The following PDGFB variants were observed in gnomAD, a reference collection of about 807,000 sequenced individuals.
The protein encoded by PDGFB is platelet-derived growth factor subunit B.
A neutral mutation model predicts 29.0 loss-of-function variants in PDGFB; 6 were observed. That is an observed-to-expected ratio of 0.21 (90% confidence interval 0.11 to 0.41). PDGFB has a LOEUF of 0.41. PDGFB is among the 10% of genes least tolerant of loss of function. PDGFB has a pLI of 1.00. For synonymous variants in PDGFB, 144 were observed against 140.8 expected (o/e 1.02, Z -0.16); for missense variants, 299 against 341.8 (o/e 0.87, Z 0.99).
rs556216376 is a variant in PDGFB, at chr22:39,233,584, G to A, written c.161-60C>T. 84 of 1,239,484 alleles carry A rather than the reference G, an allele frequency of 6.8e-5. 1 individual carries two copies. The Middle Eastern group carries it at 7.9e-4, about 12-fold the overall frequency. The allele number at this position is 1,239,484 out of a possible 1,614,324, so 76.8% of individuals were successfully genotyped here. A position where few individuals can be genotyped will look rare whatever the true frequency, so the allele number is the denominator to read the frequency against. On this transcript the variant is annotated intron_variant, in intron 2 of 6. Transcript: ENST00000331163. Reference sequence around the variant, plus strand: ...CCCACCTTGGGCAGGGGCTCCCTCCGCCGGGGTGTCTGGGCAGGCGGGAGG... The same window carrying A: ...CCCACCTTGGGCAGGGGCTCCCTCCACCGGGGTGTCTGGGCAGGCGGGAGG...
rs542164834 is a variant in PDGFB at position 39,233,087 on chromosome 22, C to T, written c.250+348G>A. ...GAGCAGGTTGGGATCTCAGCCCTAC[C>T]GCTCCCTAGCAGTGTGACCTCGCCT... On this transcript the variant is annotated intron_variant, in intron 3 of 6. Coordinates refer to ENST00000331163, the MANE Select transcript of PDGFB (RefSeq NM_002608.4). 2.0e-4 allele frequency among the ~76,000 whole-genome samples: 30 copies of T among 152,158 alleles called. 1 individual carries two copies. The highest frequency in any genetic ancestry group is 3.9e-4 in the Admixed American group (6 of 15,282).
intron 5 of PDGFB, among the ~76,000 whole-genome samples, chr22:39,227,166 C>T (rs903852634): frequency 1.3e-5 from 2 of 151,956 alleles, no homozygotes; most frequent in African/African-American, 4.8e-5. Context: ...ACCATGTTGG[C>T]CAGGCTGGTC....
chr22:39,229,147 C>G (rs996376894), intron 5 of PDGFB, among the ~76,000 whole-genome samples: 1 of 152,132 alleles, frequency 6.6e-6, no homozygotes, highest in African/African-American at 2.4e-5. Context: ...TGAAAAAGAA[C>G]TATCACTTAC....
At chr22:39,240,773 T>C (rs1932547783) in intron 1 of PDGFB, 4 of 1,505,024 alleles carry the variant, frequency 2.7e-6, no homozygotes, top group Non-Finnish European at 3.7e-6. Flanking sequence ...AACAATGAAA[T>C]AAACCAGAAC....
chr22:39,231,910 C>A lies in PDGFB; in HGVS notation c.251-83G>T. On this transcript the variant is annotated intron_variant, in intron 3 of 6. Coordinates refer to ENST00000331163, the MANE Select transcript of PDGFB (RefSeq NM_002608.4). The surrounding 1 kb of genome is among the most constrained non-coding windows in gnomAD (Gnocchi z 4.3). ...GGCAGGGGAGCTCAGCGGGTGCCTC[C>A]GGGACTGCTCTTTCTCACGCCCTTC... 8.6e-7 allele frequency: 1 copy of A among 1,158,374 alleles called. No homozygotes were observed. 71.8% of individuals were successfully genotyped at this position (1,158,374 alleles called of 1,614,324 possible). A position where few individuals can be genotyped will look rare whatever the true frequency, so the allele number is the denominator to read the frequency against.
chr22:39,233,183 T>C (rs930924653), intron 3 of PDGFB, among the ~76,000 whole-genome samples: 3 of 152,180 alleles, frequency 2.0e-5, no homozygotes, highest in African/African-American at 2.4e-5. Flanking sequence ...ACCTCCAGGA[T>C]TGAAATAAGG....
rs1932652444 is a variant in PDGFB, at chr22:39,244,717, C to T, written c.-754G>A. Reference sequence around the variant, plus strand: ...CCCGCCCGCTCGCCGCTCTGGGCGTCCTCTGCGGGCTGCGGGCTGCGAGCT... The same window carrying T: ...CCCGCCCGCTCGCCGCTCTGGGCGTTCTCTGCGGGCTGCGGGCTGCGAGCT... On this transcript the variant is annotated 5_prime_UTR_variant, in exon 1 of 7. Transcript: ENST00000331163. The surrounding 1 kb of genome is among the most constrained non-coding windows in gnomAD (Gnocchi z 4.5). The T allele has an allele frequency of 5.5e-6, 1 of 181,604 alleles. No individual in the cohort carries two copies. Among genetic ancestry groups the T allele is most frequent in the Non-Finnish European group, 1.1e-5 (1 of 87,706 alleles). 11.2% of individuals were successfully genotyped at this position (181,604 alleles called of 1,614,324 possible).
At chr22:39,240,937 ACACACTCT>A in intron 1 of PDGFB, 14 of 1,351,536 alleles carry the variant, frequency 1.0e-5, no homozygotes, top group Admixed American at 1.9e-5. Flanking sequence ...ACACACACAC[ACACACTCT>A]CTCTCTCTCT....
chr22:39,236,263 C>A (rs546959537), intron 1 of PDGFB, among the ~76,000 whole-genome samples: 1 of 152,370 alleles, frequency 6.6e-6, no homozygotes, highest in East Asian at 1.9e-4. Flanking sequence ...CCAATCTAAC[C>A]CCCATTTTAC....
rs1932649157 is a variant in PDGFB at position 39,244,605 on chromosome 22, G to A, written c.-642C>T. ...GCGCGGGGCCCGGGCGGCGGGCACG[G>A]CTGCTCCGCGCGCGCGGCGTGCCCG... is the stretch of plus-strand genomic sequence containing the variant. On this transcript the variant is annotated 5_prime_UTR_variant, in exon 1 of 7. Coordinates refer to ENST00000331163, the MANE Select transcript of PDGFB (RefSeq NM_002608.4). The surrounding 1 kb of genome is among the most constrained non-coding windows in gnomAD (Gnocchi z 4.5). The A allele has an allele frequency of 6.6e-6, 1 of 151,206 alleles. No homozygotes were observed. The highest frequency in any genetic ancestry group is 1.5e-5 in the Non-Finnish European group (1 of 68,534). 9.4% of individuals were successfully genotyped at this position (151,206 alleles called of 1,614,324 possible).
Position 39,243,850 on chromosome 22 carries a change from G to T in PDGFB, c.63+51C>A. 1.4e-6 allele frequency: 2 copies of T among 1,478,990 alleles called. No homozygotes were observed. Among genetic ancestry groups the T allele is most frequent in the Non-Finnish European group, 1.9e-6 (2 of 1,073,986 alleles). The allele number at this position is 1,478,990 out of a possible 1,614,324, so 91.6% of individuals were successfully genotyped here. On this transcript the variant is annotated intron_variant, in intron 1 of 6. Coordinates refer to ENST00000331163, the MANE Select transcript of PDGFB (RefSeq NM_002608.4). The surrounding 1 kb of genome is among the most constrained non-coding windows in gnomAD (Gnocchi z 6.4). Reference sequence around the variant, plus strand: ...GAGAGGAGGGGGCGGTCAGAAGGGGGGGGCGAAGGTAATGAATGAAGAACC... The same window carrying T: ...GAGAGGAGGGGGCGGTCAGAAGGGGTGGGCGAAGGTAATGAATGAAGAACC...
rs1932581707 is a variant in PDGFB at position 39,242,149 on chromosome 22, T to G, written c.63+1752A>C. Reference sequence around the variant, plus strand: ...CGTGCAGGGGCCGTGCGTGCGTTTGTGTGCGGTGCGCGCGCGTGTGTCCCG... The same window carrying G: ...CGTGCAGGGGCCGTGCGTGCGTTTGGGTGCGGTGCGCGCGCGTGTGTCCCG... On this transcript the variant is annotated intron_variant, in intron 1 of 6. Coordinates refer to ENST00000331163, the MANE Select transcript of PDGFB (RefSeq NM_002608.4). This position sits in a 1 kb window ranked among gnomAD's most constrained non-coding sequence, Gnocchi z 5.7. The G allele has an allele frequency of 4.5e-6, 1 of 221,092 alleles. No individual in the cohort carries two copies. Among genetic ancestry groups the G allele is most frequent in the South Asian group, 1.8e-4 (1 of 5,424 alleles). The allele number at this position is 221,092 out of a possible 1,614,324, so 13.7% of individuals were successfully genotyped here. A position where few individuals can be genotyped will look rare whatever the true frequency, so the allele number is the denominator to read the frequency against.
At position 39,233,507 on chromosome 22, in the gene PDGFB, A is replaced by G. The variant is rs1161853064; in HGVS notation, c.178T>C (p.Leu60=). Residue 60 remains leucine (L), a synonymous_variant, in exon 3 of 7, where the codon TTG becomes CTG. Coordinates refer to ENST00000331163, the MANE Select transcript of PDGFB (RefSeq NM_002608.4). The stretch of plus-strand genomic sequence containing the variant: ...TGGGAGCGGGTCATGTTCAGGTCCA[A>G]CTCGGCCCCATCTTCCTCTGCAGGA... ...GDPGEEDGAE[L]DLNMTRSHSG... 6.9e-6 allele frequency: 11 copies of G among 1,589,582 alleles called. No homozygotes were observed. The highest frequency in any genetic ancestry group is 9.4e-6 in the Non-Finnish European group (11 of 1,169,828).
At chr22:39,235,332 G>A (rs951755223) in intron 2 of PDGFB, among the ~76,000 whole-genome samples, 33 of 152,210 alleles carry the variant, frequency 2.2e-4, no homozygotes, top group Non-Finnish European at 4.0e-4. Context: ...GTGCCCATTC[G>A]CTGAGTGAGC....
chr22:39,235,011 G>A lies in PDGFB; in HGVS notation c.160+767C>T, dbSNP rs948237868. Reference sequence around the variant, plus strand: ...GGGGCCCCCTCCTGCCTGCCTCACCGCCCCCCAGCACAGGCGGGATTGAAA... The same window carrying A: ...GGGGCCCCCTCCTGCCTGCCTCACCACCCCCCAGCACAGGCGGGATTGAAA... On this transcript the variant is annotated intron_variant, in intron 2 of 6. Transcript: ENST00000331163. Among the ~76,000 whole-genome samples, 13 of 152,116 alleles carry A rather than the reference G, an allele frequency of 8.5e-5. 1 individual carries two copies. The highest frequency in any genetic ancestry group is 2.6e-4 in the Admixed American group (4 of 15,284).
At chr22:39,232,508 T>G (rs1932333986) in intron 3 of PDGFB, among the ~76,000 whole-genome samples, 1 of 151,906 alleles carries the variant, frequency 6.6e-6, no homozygotes, top group South Asian at 2.1e-4. Flanking sequence ...TCTTTTTTTT[T>G]GAGACGGAGT....
At position 39,233,484 on chromosome 22, in the gene PDGFB, G is replaced by C; in HGVS notation, c.201C>G (p.Ser67=). Residue 67 remains serine (S), a synonymous_variant, in exon 3 of 7, where the codon TCC becomes TCG. Transcript: ENST00000331163. The part of the protein sequence containing the change: ...GAELDLNMTR[S]HSGGELESLA... ...AGCTCTCCAGCTCGCCTCCAGAGTGGGAGCGGGTCATGTTCAGGTCCAACT... is the reference window on the plus strand; with the variant it reads ...AGCTCTCCAGCTCGCCTCCAGAGTGCGAGCGGGTCATGTTCAGGTCCAACT... 6.3e-7 allele frequency: 1 copy of C among 1,594,968 alleles called. No homozygotes were observed. The highest frequency in any genetic ancestry group is 1.4e-5 in the African/African-American group (1 of 73,508).
rs917408544 is a variant in PDGFB at position 39,231,359 on chromosome 22, C to T, written c.456+263G>A. Among the ~76,000 whole-genome samples, 7 of 152,232 alleles carry T rather than the reference C, an allele frequency of 4.6e-5. No homozygotes were observed. The highest frequency in any genetic ancestry group is 1.0e-4 in the Non-Finnish European group (7 of 68,038). ...CCTACTTCACGTTGGCTCCACACCT[C>T]GCCCAGCCCGGGGGGTCTGTCTGTG... is the stretch of plus-strand genomic sequence containing the variant. On this transcript the variant is annotated intron_variant, in intron 4 of 6. Transcript: ENST00000331163. The surrounding 1 kb of genome is among the most constrained non-coding windows in gnomAD (Gnocchi z 4.3).
intron 2 of PDGFB, 44 bp from the exon 3 acceptor site, chr22:39,233,568 G>A (rs1355060977): frequency 7.0e-7 from 1 of 1,429,838 alleles, no homozygotes; most frequent in Non-Finnish European, 9.6e-7. Context: ...CCCCACCTTG[G>A]GCAGGGGCTC....
Sources: allele counts gnomAD v4.1 joint callset (sites outside exome capture counted in the v4.1 genomes callset), GRCh38; gene constraint gnomAD v4.1.1; non-coding constraint Gnocchi (gnomAD v3.1); transcripts MANE v1.5; gene names NCBI Gene and HGNC (gene_info 2026-07-23, HGNC 2026-07-21).